The following ST3GAL3 variants were observed in gnomAD, a reference collection of about 807,000 sequenced individuals.
ST3GAL3 encodes CMP-N-acetylneuraminate-beta-1,4-galactoside alpha-2,3-sialyltransferase.
In ST3GAL3, 21 loss-of-function variants were observed where a neutral mutation model predicts 50.1. The observed-to-expected ratio is 0.42, with a 90% CI of 0.30 to 0.60. The LOEUF (loss-of-function observed/expected upper bound fraction) is 0.60, where lower values mean the gene tolerates loss of function less well. ST3GAL3 is among the 20% of genes least tolerant of loss of function. The pLI is 0.19. For missense variants in ST3GAL3, 353 were observed against 489.4 expected, an observed-to-expected ratio of 0.72 and a Z score of 2.63; for synonymous variants, 183 against 190.0, an observed-to-expected ratio of 0.96 and a Z score of 0.30.
Position 43,778,812 on chromosome 1 carries a change from AT to A in ST3GAL3, c.119-13282del, listed in dbSNP as rs559346838. ...AGGCACCCGCCACAACGCCCGGCTA[AT>A]TTTTTTTGTATTTTTAGTAGAGGCA... is the stretch of plus-strand genomic sequence containing the variant. On this transcript the variant is annotated intron_variant, in intron 2 of 11. Coordinates refer to ENST00000347631, the MANE Select transcript of ST3GAL3 (RefSeq NM_006279.5). Among the ~76,000 whole-genome samples, 107 of 150,744 alleles carry A rather than the reference AT, an allele frequency of 7.1e-4. 1 individual carries two copies. In the South Asian group the frequency reaches 9.7e-3, roughly 14 times the overall value.
At chr1:43,919,133 A>G (rs1469804783) in intron 9 of ST3GAL3, 1 of 115,214 alleles carries the variant, frequency 8.7e-6, no homozygotes, top group African/African-American at 3.3e-5. Context: ...GCTGGAGTGC[A>G]GTGGTGCAAT....
intron 2 of ST3GAL3, among the ~76,000 whole-genome samples, chr1:43,766,491 G>T (rs1016870667): frequency 7.2e-5 from 11 of 152,184 alleles, no homozygotes; most frequent in Admixed American, 7.2e-4. Context: ...GGGACCTGGC[G>T]GTTGGGGTAG....
intron 1 of ST3GAL3, among the ~76,000 whole-genome samples, chr1:43,729,663 G>A (rs1256216622): frequency 1.3e-5 from 2 of 152,138 alleles, no homozygotes; most frequent in Admixed American, 1.3e-4. Flanking sequence ...AGAAAGGAAG[G>A]GATAGAGGGA....
At position 43,723,970 on chromosome 1, in the gene ST3GAL3, G is replaced by A. The variant is rs138708353; in HGVS notation, c.-30-12263G>A. Among the ~76,000 whole-genome samples, 439 of 152,230 alleles carry A rather than the reference G, an allele frequency of 2.9e-3. 1 individual carries two copies. The highest frequency in any genetic ancestry group is 0.01 in the African/African-American group (426 of 41,542). ...AAGAGTCAGCATAATGGTGGTAAAC[G>A]AAGTCACAGAAGAGGATGACATTGC... On this transcript the variant is annotated intron_variant, in intron 1 of 11. Transcript: ENST00000347631.
At chr1:43,805,676 C>G (rs1463287231) in intron 3 of ST3GAL3, among the ~76,000 whole-genome samples, 1 of 152,210 alleles carries the variant, frequency 6.6e-6, no homozygotes, top group Non-Finnish European at 1.5e-5. Context: ...AGAAAGTACA[C>G]TGTGGCACAG....
chr1:43,765,804 C>T (rs543165509), intron 2 of ST3GAL3, among the ~76,000 whole-genome samples: 7 of 142,934 alleles, frequency 4.9e-5, no homozygotes, highest in South Asian at 2.1e-4. Flanking sequence ...CGCGCGCGTC[C>T]GCGCGTCCGC....
intron 9 of ST3GAL3, among the ~76,000 whole-genome samples, chr1:43,905,970 T>C (rs1490357751): frequency 2.1e-3 from 29 of 13,678 alleles, no homozygotes; most frequent in South Asian, 4.9e-3. Flanking sequence ...CTCTCCCCTC[T>C]CCTCCTCCTG....
At chr1:43,866,856 G>T (rs951040560) in intron 5 of ST3GAL3, among the ~76,000 whole-genome samples, 3 of 152,200 alleles carry the variant, frequency 2.0e-5, no homozygotes, top group African/African-American at 7.2e-5. Context: ...ATTAGGCCAG[G>T]TGCAGTGGCT....
intron 3 of ST3GAL3, among the ~76,000 whole-genome samples, chr1:43,806,783 G>A (rs562065579): frequency 2.6e-5 from 4 of 152,218 alleles, no homozygotes; most frequent in East Asian, 1.9e-4. Context: ...TCGAATTTCC[G>A]GGCTCAGGTG....
intron 1 of ST3GAL3, among the ~76,000 whole-genome samples, chr1:43,710,344 A>G (rs1037008988): frequency 6.6e-6 from 1 of 152,104 alleles, no homozygotes; most frequent in Non-Finnish European, 1.5e-5. Flanking sequence ...AGCCTCCCAA[A>G]GTGCTGGGAT....
chr1:43,786,706 A>ATTT (rs1260117542), intron 2 of ST3GAL3, among the ~76,000 whole-genome samples: 5 of 152,148 alleles, frequency 3.3e-5, no homozygotes, highest in Admixed American at 3.3e-4. Flanking sequence ...GAATAAGAAC[A>ATTT]TTTTTGTTCT....
At chr1:43,780,129 G>T (rs951458232) in intron 2 of ST3GAL3, among the ~76,000 whole-genome samples, 3 of 152,066 alleles carry the variant, frequency 2.0e-5, no homozygotes, top group African/African-American at 7.2e-5. Context: ...TACATGAGAG[G>T]TAATTTTTTG....
At chr1:43,749,630 T>C (rs1187418198) in intron 2 of ST3GAL3, among the ~76,000 whole-genome samples, 1 of 152,136 alleles carries the variant, frequency 6.6e-6, no homozygotes, top group African/African-American at 2.4e-5. Flanking sequence ...TGAACAGATA[T>C]TTCATACAAA....
chr1:43,715,162 C>A (rs1018065240), intron 1 of ST3GAL3, among the ~76,000 whole-genome samples: 1 of 151,786 alleles, frequency 6.6e-6, no homozygotes, highest in Non-Finnish European at 1.5e-5. Flanking sequence ...TCTTTGGTCT[C>A]GGGATTCCCT....
At chr1:43,923,385 A>T (rs980244779) in intron 11 of ST3GAL3, among the ~76,000 whole-genome samples, 1 of 152,058 alleles carries the variant, frequency 6.6e-6, no homozygotes, top group South Asian at 2.1e-4. Flanking sequence ...CCTATATTGT[A>T]TCAGGCTTTT....
At chr1:43,861,645 A>G (rs2069955390) in intron 5 of ST3GAL3, among the ~76,000 whole-genome samples, 2 of 152,318 alleles carry the variant, frequency 1.3e-5, no homozygotes, top group African/African-American at 4.8e-5. Context: ...CTACATGCCA[A>G]TGCCTTACTA....
intron 2 of ST3GAL3, among the ~76,000 whole-genome samples, chr1:43,757,510 T>A (rs892446632): frequency 1.3e-5 from 2 of 152,114 alleles, no homozygotes; most frequent in Non-Finnish European, 2.9e-5. Flanking sequence ...CCCACACATA[T>A]ATGGCCGATT....
At chr1:43,835,202 G>T (rs1052562350) in intron 4 of ST3GAL3, among the ~76,000 whole-genome samples, 2 of 152,128 alleles carry the variant, frequency 1.3e-5, no homozygotes, top group Non-Finnish European at 1.5e-5. Flanking sequence ...ATCTGTGGGG[G>T]CCTGCTGGCA....
Position 43,756,116 on chromosome 1 carries a change from A to AAG in ST3GAL3, c.118+19737_118+19738insGA, listed in dbSNP as rs1553281768. Among the ~76,000 whole-genome samples the AAG allele has an allele frequency of 7.6e-4, 104 of 136,908 alleles. No individual in the cohort carries two copies. The South Asian group carries it at 0.011, about 15-fold the overall frequency. 89.8% of individuals were successfully genotyped at this position (136,908 alleles called of 152,430 possible). A position where few individuals can be genotyped will look rare whatever the true frequency, so the allele number is the denominator to read the frequency against. On this transcript the variant is annotated intron_variant, in intron 2 of 11. Transcript: ENST00000347631. ...AACCAGTCTCAAAAAAAAAAAAAAA[A>AAG]AAGAAGAAGAAGAAAAGAAAAGGAA...
Sources: gnomAD v4.1 joint callset for allele counts (sites outside exome capture counted in the v4.1 genomes callset) on GRCh38, gnomAD v4.1.1 for gene constraint, MANE v1.5 for transcripts, NCBI Gene and HGNC (gene_info 2026-07-23, HGNC 2026-07-21) for gene names.